ERV3-1: variants seen among roughly 807,000 people sequenced by gnomAD.
The protein encoded by ERV3-1 is endogenous retrovirus group 3 member 1 Env polyprotein.
ERV3-1 carries 36 observed loss-of-function variants against 24.6 expected under a neutral mutation model. The observed-to-expected ratio is 1.47, with a 90% CI of 1.12 to 1.94. ERV3-1 has a LOEUF of 1.94. ERV3-1 is among the 30% of genes most tolerant of loss of function. The probability of loss-of-function intolerance (pLI) is 0.00; values close to 1 mark genes in which losing one functional copy is unlikely to be tolerated. For synonymous variants in ERV3-1, 211 were observed against 122.6 expected, an observed-to-expected ratio of 1.72 and a Z score of -4.76; for missense variants, 578 against 330.9, an observed-to-expected ratio of 1.75 and a Z score of -5.79.
At position 64,992,674 on chromosome 7, in the gene ERV3-1, G is replaced by A. The variant is rs1407305847; in HGVS notation, c.353C>T (p.Ser118Phe). ...TATCTGGCAAACATCAAAGTATAAG[G>A]ATACGACATCCTTGCCAGAGGGAAA... Reference protein sequence around the residue: ...KVFPSGKDVVSLYFDVCQIVS... With the variant: ...KVFPSGKDVVFLYFDVCQIVS... The change falls in exon 2 of 2, where the codon TCC becomes TTC. Residue 118 changes from serine (S) to phenylalanine (F), a missense_variant. Ser to Phe is a radical substitution (Grantham distance 155, BLOSUM62 -2). Transcript: ENST00000394323. 2 of 766,086 alleles carry A rather than the reference G, an allele frequency of 2.6e-6. No individual in the cohort carries two copies. Among genetic ancestry groups the A allele is most frequent in the Admixed American group, 3.4e-5 (2 of 59,010 alleles). The allele number at this position is 766,086 out of a possible 1,614,324, so 47.5% of individuals were successfully genotyped here. A position where few individuals can be genotyped will look rare whatever the true frequency, so the allele number is the denominator to read the frequency against.
rs975106131 is a variant in ERV3-1 at position 64,993,166 on chromosome 7, G to A, written c.-140C>T. ...CTTCCCTGATGATGACTCAAGCTTCGGCCGTGCATAGACTAGTCAGCTTCT... is the reference window on the plus strand; with the variant it reads ...CTTCCCTGATGATGACTCAAGCTTCAGCCGTGCATAGACTAGTCAGCTTCT... On this transcript the variant is annotated 5_prime_UTR_variant, in exon 2 of 2. An upstream open reading frame in the 5' UTR gains an earlier in-frame stop. Coordinates refer to ENST00000394323, the MANE Select transcript of ERV3-1 (RefSeq NM_001007253.4). 2.5e-5 allele frequency: 15 copies of A among 602,714 alleles called. No individual in the cohort carries two copies. Among genetic ancestry groups the A allele is most frequent in the Admixed American group, 1.7e-4 (6 of 34,704 alleles). The allele number at this position is 602,714 out of a possible 1,614,324, so 37.3% of individuals were successfully genotyped here.
At chr7:64,998,417 A>T (rs1459238461) in intron 1 of ERV3-1, among the ~76,000 whole-genome samples, 1 of 152,056 alleles carries the variant, frequency 6.6e-6, no homozygotes, top group Non-Finnish European at 1.5e-5. Context: ...TACACGGCCA[A>T]TTTTTTCCCT....
At chr7:64,998,276 G>A (rs563802692) in intron 1 of ERV3-1, among the ~76,000 whole-genome samples, 10 of 152,124 alleles carry the variant, frequency 6.6e-5, no homozygotes, top group Non-Finnish European at 1.0e-4. Flanking sequence ...AGCTATGAGC[G>A]TTTTGCAATA....
chr7:64,998,772 G>A (rs1227894667), intron 1 of ERV3-1, among the ~76,000 whole-genome samples: 1 of 152,094 alleles, frequency 6.6e-6, no homozygotes, highest in African/African-American at 2.4e-5. Flanking sequence ...TAAGCCATAT[G>A]CCGTAGCCCC....
rs1408269716 is a variant in ERV3-1 at position 64,991,772 on chromosome 7, A to G, written c.1255T>C (p.Trp419Arg). ...NTWQAPSGLY[W>R]ICGPQAYRQL... ...CGATATGCTTGTGGCCCACAGATCC[A>G]GTAGAGGCCAGAGGGTGCCTGCCAG... is the stretch of plus-strand genomic sequence containing the variant. The change falls in exon 2 of 2, where the codon TGG becomes CGG. Residue 419 changes from tryptophan to arginine, a missense_variant. Physicochemically the swap from Trp to Arg is moderately radical, Grantham distance 101. Coordinates refer to ENST00000394323, the MANE Select transcript of ERV3-1 (RefSeq NM_001007253.4). 1 of 766,230 alleles carries G rather than the reference A, an allele frequency of 1.3e-6. No individual in the cohort carries two copies. Among genetic ancestry groups the G allele is most frequent in the Admixed American group, 1.7e-5 (1 of 59,026 alleles). 47.5% of individuals were successfully genotyped at this position (766,230 alleles called of 1,614,324 possible).
chr7:64,999,287 C>T (rs965735445), intron 1 of ERV3-1, among the ~76,000 whole-genome samples: 1 of 152,210 alleles, frequency 6.6e-6, no homozygotes, highest in East Asian at 1.9e-4. Flanking sequence ...GGCTCCAGTC[C>T]CACAGCCAAA....
In ERV3-1 at chr7:64,991,828, T is replaced by G. The variant is rs771247863; in HGVS notation, c.1199A>C (p.His400Pro). The change falls in exon 2 of 2, where the codon CAT (histidine) becomes CCT (proline). Residue 400 changes from histidine to proline, a missense_variant. His to Pro is a moderately conservative substitution (Grantham distance 77, BLOSUM62 -2). Coordinates refer to ENST00000394323, the MANE Select transcript of ERV3-1 (RefSeq NM_001007253.4). ...SPFSRFPSLN[H>P]SWYQLEAPNT... ...TGGAGCTTCAAGTTGGTACCAAGAA[T>G]GGTTTAAAGATGGGAAACGAGAGAA... is the stretch of plus-strand genomic sequence containing the variant. 1.3e-6 allele frequency: 1 copy of G among 766,250 alleles called. No individual in the cohort carries two copies. The highest frequency in any genetic ancestry group is 2.4e-6 in the Non-Finnish European group (1 of 417,910). 47.5% of individuals were successfully genotyped at this position (766,250 alleles called of 1,614,324 possible).
chr7:64,994,269 C>T (rs1786353197), intron 1 of ERV3-1, among the ~76,000 whole-genome samples: 1 of 152,130 alleles, frequency 6.6e-6, no homozygotes, highest in Non-Finnish European at 1.5e-5. Flanking sequence ...AAATGGCGTC[C>T]TAGTAGCGTT....
chr7:64,998,949 T>C (rs985108744), intron 1 of ERV3-1, among the ~76,000 whole-genome samples: 1 of 152,192 alleles, frequency 6.6e-6, no homozygotes, highest in Admixed American at 6.5e-5. Flanking sequence ...TTTCCTTTCT[T>C]AACCAACTTA....
rs372972547 is a variant in ERV3-1, at chr7:65,002,116, T to G, written c.-389+4425A>C. On this transcript the variant is annotated intron_variant, in intron 1 of 1. Transcript: ENST00000394323. Reference sequence around the variant, plus strand: ...AAGACGTGGGGAAAGATGAAGCACATAGATAATCCTGGTAAATAGCGTTAA... The same window carrying G: ...AAGACGTGGGGAAAGATGAAGCACAGAGATAATCCTGGTAAATAGCGTTAA... 1.5e-4 allele frequency among the ~76,000 whole-genome samples: 23 copies of G among 152,268 alleles called. No homozygotes were observed. The East Asian group carries it at 1.7e-3, about 12-fold the overall frequency.
chr7:65,006,278 G>T, intron 1 of ERV3-1: 3 of 554,920 alleles, frequency 5.4e-6, no homozygotes, highest in Non-Finnish European at 6.4e-6. Context: ...CTGCGGCAGT[G>T]GGGGCAGAGC....
chr7:65,003,572 C>A (rs1019165538), intron 1 of ERV3-1: 39 of 152,122 alleles, frequency 2.6e-4, no homozygotes, highest in African/African-American at 9.4e-4. Context: ...CTTTAATTTC[C>A]ATGTCAGAGT....
At chr7:65,004,089 C>G (rs187341448) in intron 1 of ERV3-1, 5 of 152,042 alleles carry the variant, frequency 3.3e-5, no homozygotes, top group Non-Finnish European at 5.9e-5. Flanking sequence ...CGGTGGCTCA[C>G]GCCTGTAATC....
Position 64,991,332 on chromosome 7 carries a change from G to A in ERV3-1, c.1695C>T (p.Cys565=), listed in dbSNP as rs531864174. ...AGCAGTTAGTAAGGTTGAACTTTCC[G>A]CATACTCCCTCTTCCTGGGCTAGGA... ...DYLLAQEEGV[C]GKFNLTNCCL... The change falls in exon 2 of 2, where the codon TGC becomes TGT. Residue 565 remains cysteine (C), a synonymous_variant. Transcript: ENST00000394323. 35 of 706,360 alleles carry A rather than the reference G, an allele frequency of 5.0e-5. No homozygotes were observed. The highest frequency in any genetic ancestry group is 1.0e-4 in the Admixed American group (5 of 50,094). The allele number at this position is 706,360 out of a possible 1,614,324, so 43.8% of individuals were successfully genotyped here.
chr7:65,002,050 A>G (rs1031722138), intron 1 of ERV3-1, among the ~76,000 whole-genome samples: 3 of 152,226 alleles, frequency 2.0e-5, no homozygotes, highest in African/African-American at 7.2e-5. Flanking sequence ...ACAAAATACA[A>G]CCCAGAAAAC....
At chr7:64,998,397 C>T (rs1786450985) in intron 1 of ERV3-1, among the ~76,000 whole-genome samples, 1 of 152,158 alleles carries the variant, frequency 6.6e-6, no homozygotes, top group South Asian at 2.1e-4. Flanking sequence ...ACCCCAGTCA[C>T]CACCTTAAAT....
chr7:65,001,331 C>T (rs1201797636), intron 1 of ERV3-1, among the ~76,000 whole-genome samples: 1 of 152,088 alleles, frequency 6.6e-6, no homozygotes, highest in Non-Finnish European at 1.5e-5. Flanking sequence ...GTCCAGAATC[C>T]TAGATTGGTG....
In ERV3-1 at chr7:64,991,274, T is replaced by C. The variant is rs1786258023; in HGVS notation, c.1753A>G (p.Lys585Glu). 1 of 736,436 alleles carries C rather than the reference T, an allele frequency of 1.4e-6. No individual in the cohort carries two copies. Among genetic ancestry groups the C allele is most frequent in the Non-Finnish European group, 2.5e-6 (1 of 401,818 alleles). The allele number at this position is 736,436 out of a possible 1,614,324, so 45.6% of individuals were successfully genotyped here. The change falls in exon 2 of 2, where the codon AAA becomes GAA. Residue 585 changes from lysine (K) to glutamate (E), a missense_variant. Physicochemically the swap from Lys to Glu is moderately conservative, Grantham distance 56. Transcript: ENST00000394323. The part of the protein sequence containing the change: ...LELDDEGKVI[K>E]EITAKIQKLA... ...TTTTGGATTTTAGCAGTTATTTCTT[T>C]GATGACCTTTCCTTCGTCATCAAGT... is the stretch of plus-strand genomic sequence containing the variant.
At chr7:65,002,754 T>C (rs1487751293) in intron 1 of ERV3-1, among the ~76,000 whole-genome samples, 2 of 152,246 alleles carry the variant, frequency 1.3e-5, no homozygotes, top group African/African-American at 4.8e-5. Flanking sequence ...ACTTGCTGAC[T>C]TCATGGTAAA....
Sources: gnomAD v4.1 joint callset for allele counts (sites outside exome capture counted in the v4.1 genomes callset) on GRCh38, gnomAD v4.1.1 for gene constraint, MANE v1.5 for transcripts, NCBI Gene and HGNC (gene_info 2026-07-23, HGNC 2026-07-21) for gene names.